DDX60: variants seen among roughly 807,000 people sequenced by gnomAD.
The protein encoded by DDX60 is DExD/H-box helicase 60.
DDX60 carries 165 observed loss-of-function variants against 212.8 expected under a neutral mutation model. That is an observed-to-expected ratio of 0.78 (90% confidence interval 0.68 to 0.88). DDX60 has a LOEUF of 0.88. Among genes scored for constraint, DDX60 ranks in the 40% least tolerant of loss-of-function variants. DDX60 has a pLI of 0.00. For synonymous variants in DDX60, 703 were observed against 685.3 expected, an observed-to-expected ratio of 1.03 and a Z score of -0.40; for missense variants, 1,905 against 2,003.9, an observed-to-expected ratio of 0.95 and a Z score of 0.94.
chr4:168,263,963 T>C (rs943786104), intron 22 of DDX60, among the ~76,000 whole-genome samples: 4 of 152,170 alleles, frequency 2.6e-5, no homozygotes, highest in Admixed American at 1.3e-4. Flanking sequence ...GAAGTAAATA[T>C]AGCATGCAAA....
chr4:168,260,758 T>A, intron 25 of DDX60, 107 bp downstream of exon 25: 1 of 1,002,322 alleles, frequency 1.0e-6, no homozygotes, highest in Non-Finnish European at 1.5e-6. Flanking sequence ...TAACAGACCA[T>A]GGGCTGGGCC....
intron 33 of DDX60, among the ~76,000 whole-genome samples, chr4:168,231,764 A>T (rs1477288482): frequency 6.6e-6 from 1 of 152,106 alleles, no homozygotes; most frequent in Non-Finnish European, 1.5e-5. Context: ...GTTATACTTT[A>T]CAGGGAAAAG....
At chr4:168,242,687 T>C (rs976550311) in intron 30 of DDX60, among the ~76,000 whole-genome samples, 4 of 152,286 alleles carry the variant, frequency 2.6e-5, no homozygotes, top group Middle Eastern at 3.4e-3. Flanking sequence ...TTTTACTAGC[T>C]CATAGGTAAA....
At chr4:168,260,800 C>A (rs1734593946) in intron 25 of DDX60, 65 bp downstream of exon 25, 1 of 1,439,778 alleles carries the variant, frequency 6.9e-7, no homozygotes, top group Non-Finnish European at 9.6e-7. Flanking sequence ...GGTTGGGGAC[C>A]TCTGCCTTAA....
rs1176665908 is a variant in DDX60 at position 168,304,096 on chromosome 4, T to A, written c.607-1680A>T. ...ATGACTTACTGTACTATGCGAATTT[T>A]TTATTATTATTTCAGAGTATACTCT... On this transcript the variant is annotated intron_variant, in intron 5 of 37. Coordinates refer to ENST00000393743, the MANE Select transcript of DDX60 (RefSeq NM_017631.6). Among the ~76,000 whole-genome samples the A allele has an allele frequency of 5.3e-5, 8 of 152,198 alleles. 1 individual carries two copies. Among genetic ancestry groups the A allele is most frequent in the Admixed American group, 3.9e-4 (6 of 15,280 alleles).
At chr4:168,227,217 T>C (rs1733289462) in intron 33 of DDX60, among the ~76,000 whole-genome samples, 1 of 151,830 alleles carries the variant, frequency 6.6e-6, no homozygotes, top group African/African-American at 2.4e-5. Context: ...AATGTTTTTT[T>C]TTTTTTAAAT....
the DDX60 span, among the ~76,000 whole-genome samples, chr4:168,325,648 T>C: frequency 6.6e-6 from 1 of 150,434 alleles, no homozygotes. Flanking sequence ...ACAGGCTTTT[T>C]CAACACCAGT....
At chr4:168,311,181 T>C in intron 2 of DDX60, 75 bp downstream of exon 2, 1 of 1,540,624 alleles carries the variant, frequency 6.5e-7, no homozygotes. Flanking sequence ...GTGGTTATTT[T>C]AATTCCATTA....
rs1560870730 is a variant in DDX60 at position 168,297,386 on chromosome 4, A to AAG, written c.724-3443_724-3442dup. Among the ~76,000 whole-genome samples the AAG allele has an allele frequency of 1.0e-4, 12 of 115,472 alleles. No homozygotes were observed. The East Asian group carries it at 1.3e-3, about 13-fold the overall frequency. 75.8% of individuals were successfully genotyped at this position (115,472 alleles called of 152,430 possible). A position where few individuals can be genotyped will look rare whatever the true frequency, so the allele number is the denominator to read the frequency against. On this transcript the variant is annotated intron_variant, in intron 6 of 37. Transcript: ENST00000393743. ...AGAAAGAAAGAAAGAAAGAAAGAGAAAGAAAGAAAGAAAGAAAGACAATAA... is the reference window on the plus strand; with the variant it reads ...AGAAAGAAAGAAAGAAAGAAAGAGAAAGAGAAAGAAAGAAAGAAAGACAATAA...
intron 34 of DDX60, 123 bp from the exon 35 acceptor site, chr4:168,224,508 T>A: frequency 1.1e-6 from 1 of 902,454 alleles, no homozygotes; most frequent in Non-Finnish European, 1.7e-6. Context: ...AAGACTGAAA[T>A]GTTTCGTAAG....
At chr4:168,241,814 T>C (rs182258841) in intron 30 of DDX60, among the ~76,000 whole-genome samples, 16 of 152,186 alleles carry the variant, frequency 1.1e-4, no homozygotes, top group Admixed American at 6.5e-4. Flanking sequence ...GCATAGGTAA[T>C]AGGGAGCCAA....
At chr4:168,313,096 C>T (rs1294987801) in intron 1 of DDX60, among the ~76,000 whole-genome samples, 1 of 152,154 alleles carries the variant, frequency 6.6e-6, no homozygotes, top group African/African-American at 2.4e-5. Context: ...CTAAGTGACA[C>T]ACTACATCTA....
At position 168,272,052 on chromosome 4, in the gene DDX60, TATA is replaced by T; in HGVS notation, c.2658_2660del (p.Ile887del). The T allele has an allele frequency of 1.3e-6, 2 of 1,578,762 alleles. No homozygotes were observed. The highest frequency in any genetic ancestry group is 1.7e-6 in the Non-Finnish European group (2 of 1,159,478). On this transcript the variant is annotated inframe_deletion, in exon 19 of 38. Coordinates refer to ENST00000393743, the MANE Select transcript of DDX60 (RefSeq NM_017631.6). ...AGAACACCAAACCTACCTCATCAAATATAACATATCTGATCTTTTTCACCCAGT... is the reference window on the plus strand; with the variant it reads ...AGAACACCAAACCTACCTCATCAAATACATATCTGATCTTTTTCACCCAGT...
intron 20 of DDX60, 36 bp from the exon 21 acceptor site, chr4:168,268,019 C>A: frequency 1.3e-6 from 2 of 1,553,232 alleles, no homozygotes; most frequent in Non-Finnish European, 8.8e-7. Context: ...TTAGGCAGAA[C>A]ATGGAACTAC....
At chr4:168,293,674 A>G (rs1250051118) in intron 7 of DDX60, 113 bp downstream of exon 7, 31 of 936,748 alleles carry the variant, frequency 3.3e-5, no homozygotes, top group Non-Finnish European at 4.6e-5. Context: ...TGAAGTTTAT[A>G]TAAATAAGAG....
intron 13 of DDX60, 59 bp from the exon 14 acceptor site, chr4:168,280,649 T>A: frequency 6.6e-7 from 1 of 1,524,888 alleles, no homozygotes; most frequent in Non-Finnish European, 8.8e-7. Context: ...AGATAACAGG[T>A]CATGAGTGAG....
In DDX60 at chr4:168,288,304, A is replaced by G. The variant is rs1457908214; in HGVS notation, c.1053T>C (p.Cys351=). 1.4e-6 allele frequency: 2 copies of G among 1,470,826 alleles called. No individual in the cohort carries two copies. The highest frequency in any genetic ancestry group is 2.9e-5 in the African/African-American group (2 of 69,292). The allele number at this position is 1,470,826 out of a possible 1,614,324, so 91.1% of individuals were successfully genotyped here. ...GTATATTTCTTAAGATGAAATATTC[A>G]CACCACTTTTTCTGAAAATTGAAAA... is the stretch of plus-strand genomic sequence containing the variant. ...MKPLLQMKKW[C]EYFILRNIHT... The change falls in exon 9 of 38, where the codon TGT becomes TGC. Residue 351 remains cysteine (C), a synonymous_variant. Coordinates refer to ENST00000393743, the MANE Select transcript of DDX60 (RefSeq NM_017631.6).
At position 168,233,754 on chromosome 4, in the gene DDX60, A is replaced by G. The variant is rs571208171; in HGVS notation, c.4533+2498T>C. On this transcript the variant is annotated intron_variant, in intron 33 of 37. Coordinates refer to ENST00000393743, the MANE Select transcript of DDX60 (RefSeq NM_017631.6). ...GAATAAAAGACTACACATTGGGTGC[A>G]GTGTACACTGCTTAGGTGATGGGTG... is the stretch of plus-strand genomic sequence containing the variant. Among the ~76,000 whole-genome samples the G allele has an allele frequency of 2.0e-4, 30 of 152,122 alleles. 1 individual carries two copies. The highest frequency in any genetic ancestry group is 3.8e-4 in the Non-Finnish European group (26 of 67,978).
Position 168,225,537 on chromosome 4 carries a change from G to C in DDX60, c.4673C>G (p.Ser1558Ter). The C allele has an allele frequency of 6.2e-7, 1 of 1,602,618 alleles. No homozygotes were observed. The highest frequency in any genetic ancestry group is 8.5e-7 in the Non-Finnish European group (1 of 1,176,284). ...AGGTAAAATATACTTACTGATTTTT[G>C]ACAATGGGAGTTGATATTCCTGATT... The part of the protein sequence containing the change: ...DMNQEYQLPL[S>*]KIKFTGKECE... The change falls in exon 34 of 38, where the codon TCA becomes TGA. Residue 1558 changes from serine to a stop codon, truncating the protein, a stop_gained. Coordinates refer to ENST00000393743, the MANE Select transcript of DDX60 (RefSeq NM_017631.6). LOFTEE classifies it high-confidence loss of function.
Sources: allele counts gnomAD v4.1 joint callset (sites outside exome capture counted in the v4.1 genomes callset), GRCh38; gene constraint gnomAD v4.1.1; transcripts MANE v1.5; gene names NCBI Gene and HGNC (gene_info 2026-07-23, HGNC 2026-07-21).